Variants in ZNF644 observed in about 807,000 individuals in gnomAD.
The protein encoded by ZNF644 is zinc finger motif enhancer binding protein 2.
A neutral mutation model predicts 108.0 loss-of-function variants in ZNF644; 20 were observed. The ratio of observed to expected loss-of-function variants is 0.19; its 90% CI spans 0.13 to 0.27. ZNF644 has a LOEUF of 0.27. Among genes scored for constraint, ZNF644 ranks in the 10% least tolerant of loss-of-function variants. The pLI is 1.00. For missense variants in ZNF644, 1,338 were observed against 1,548.9 expected (o/e 0.86, Z 2.29); for synonymous variants, 542 against 539.1 (o/e 1.01, Z -0.08).
At position 90,940,230 on chromosome 1, in the gene ZNF644, G is replaced by A. The variant is rs1328869521; in HGVS notation, c.1124C>T (p.Ser375Leu). ...AAGAAAAGTGCTAGTATGAACAGGTGAACTCTCTTCTCCACACTTATCTGG... is the reference window on the plus strand; with the variant it reads ...AAGAAAAGTGCTAGTATGAACAGGTAAACTCTCTTCTCCACACTTATCTGG... Reference protein sequence around the residue: ...YNPDKCGEESSPVHTSTFLSN... With the variant: ...YNPDKCGEESLPVHTSTFLSN... Residue 375 changes from serine to leucine, a missense_variant, in exon 3 of 6, where the codon TCA becomes TTA. Physicochemically the swap from Ser to Leu is moderately radical, Grantham distance 145. Around this residue, in one of 6 missense-constraint regions of ZNF644, gnomAD observed 464 missense variants for 457.9 expected, o/e 1.01. Transcript: ENST00000337393. 6.2e-7 allele frequency: 1 copy of A among 1,613,848 alleles called. No homozygotes were observed. Among genetic ancestry groups the A allele is most frequent in the African/African-American group, 1.3e-5 (1 of 74,880 alleles).
intron 1 of ZNF644, among the ~76,000 whole-genome samples, chr1:90,999,672 A>G (rs1658551972): frequency 6.6e-6 from 1 of 152,232 alleles, no homozygotes; most frequent in Non-Finnish European, 1.5e-5. Flanking sequence ...GACAGGCTCA[A>G]ACTCGCACAT....
chr1:90,953,800 C>T (rs561301767), intron 2 of ZNF644, among the ~76,000 whole-genome samples: 4 of 152,046 alleles, frequency 2.6e-5, no homozygotes, highest in Non-Finnish European at 5.9e-5. Flanking sequence ...CATGTAATCC[C>T]AGCTACTTGG....
chr1:90,975,226 C>A (rs1432266331), intron 2 of ZNF644, among the ~76,000 whole-genome samples: 1 of 152,144 alleles, frequency 6.6e-6, no homozygotes, highest in Non-Finnish European at 1.5e-5. Context: ...CTTCCAGGAA[C>A]AGAGACTATC....
chr1:90,968,060 CAAAAAAAAAA>C (rs763728133), intron 2 of ZNF644, among the ~76,000 whole-genome samples: 3 of 67,260 alleles, frequency 4.5e-5, no homozygotes, highest in South Asian at 6.7e-4. Flanking sequence ...GACTCCGTCT[CAAAAAAAAAA>C]AAAAAAAAAA....
At chr1:90,973,999 C>T (rs1445953486) in intron 2 of ZNF644, among the ~76,000 whole-genome samples, 1 of 152,106 alleles carries the variant, frequency 6.6e-6, no homozygotes, top group Non-Finnish European at 1.5e-5. Flanking sequence ...CATTCTCTGA[C>T]TTTCTCTCCC....
At chr1:90,970,538 T>A (rs1486983594) in intron 2 of ZNF644, among the ~76,000 whole-genome samples, 1 of 152,178 alleles carries the variant, frequency 6.6e-6, no homozygotes, top group Non-Finnish European at 1.5e-5. Context: ...TTGAAGACTT[T>A]TTTAAAACTA....
chr1:90,994,123 A>G (rs1210328722), intron 1 of ZNF644, among the ~76,000 whole-genome samples: 1 of 152,228 alleles, frequency 6.6e-6, no homozygotes, highest in Non-Finnish European at 1.5e-5. Flanking sequence ...AACTATTGGG[A>G]AAGTGTCACT....
chr1:90,968,430 T>G (rs1655143615), intron 2 of ZNF644, among the ~76,000 whole-genome samples: 1 of 151,738 alleles, frequency 6.6e-6, no homozygotes, highest in Admixed American at 6.6e-5. Flanking sequence ...ATTTCGGTTT[T>G]GGGGGGGGAG....
chr1:91,000,149 G>T (rs1483017673), intron 1 of ZNF644, among the ~76,000 whole-genome samples: 1 of 152,094 alleles, frequency 6.6e-6, no homozygotes, highest in East Asian at 1.9e-4. Context: ...AGTTAACAAG[G>T]ATATCCAGGA....
chr1:90,958,279 TAAA>T (rs535736954), intron 2 of ZNF644, among the ~76,000 whole-genome samples: 145 of 101,224 alleles, frequency 1.4e-3, no homozygotes, highest in African/African-American at 5.1e-3. Flanking sequence ...ACCAAGAAAG[TAAA>T]AGACTTGTGC....
intron 1 of ZNF644, among the ~76,000 whole-genome samples, chr1:91,006,771 T>C (rs578094900): frequency 6.6e-6 from 1 of 151,792 alleles, no homozygotes. Context: ...ACTCTTCTCC[T>C]GTAATGCATC....
At chr1:91,010,519 C>A (rs1275946318) in intron 1 of ZNF644, among the ~76,000 whole-genome samples, 1 of 151,318 alleles carries the variant, frequency 6.6e-6, no homozygotes, top group Non-Finnish European at 1.5e-5. Context: ...CCCAAAATAT[C>A]TGTGCTTTTT....
chr1:91,013,449 T>TCACACA (rs769534482), intron 1 of ZNF644, among the ~76,000 whole-genome samples: 2 of 96,266 alleles, frequency 2.1e-5, no homozygotes, highest in African/African-American at 7.0e-5. Context: ...CCAATCTCTC[T>TCACACA]CTCACACACA....
chr1:90,996,733 A>G (rs1196392548), intron 1 of ZNF644, among the ~76,000 whole-genome samples: 1 of 152,198 alleles, frequency 6.6e-6, no homozygotes, highest in Non-Finnish European at 1.5e-5. Context: ...GTGAGCTATG[A>G]CCATGCCACT....
chr1:90,959,005 C>G (rs552288015), intron 2 of ZNF644, among the ~76,000 whole-genome samples: 1 of 152,040 alleles, frequency 6.6e-6, no homozygotes, highest in African/African-American at 2.4e-5. Flanking sequence ...TGTTTATCAA[C>G]AGGTATTATT....
rs1212699000 is a variant in ZNF644, at chr1:90,940,131, G to A, written c.1223C>T (p.Ser408Leu). 3.1e-6 allele frequency: 5 copies of A among 1,614,052 alleles called. No homozygotes were observed. The highest frequency in any genetic ancestry group is 3.4e-6 in the Non-Finnish European group (4 of 1,179,954). ...SPATFSTEEPSFYPCTKCNVN... is the reference protein window; with the variant it reads ...SPATFSTEEPLFYPCTKCNVN... ...ATTGCACTTTGTACAGGGGTAGAAT[G>A]ATGGCTCTTCGGTACTGAAAGTAGC... The change falls in exon 3 of 6, where the codon TCA (serine) becomes TTA (leucine). Residue 408 changes from serine to leucine, a missense_variant. Coordinates refer to ENST00000337393, the MANE Select transcript of ZNF644 (RefSeq NM_201269.3).
chr1:90,917,852 A>G (rs190177445), intron 5 of ZNF644, among the ~76,000 whole-genome samples, 200 bp downstream of exon 5: 7 of 152,244 alleles, frequency 4.6e-5, no homozygotes, highest in Admixed American at 4.6e-4. Flanking sequence ...TGGCTAATGT[A>G]AAAAACTTGA....
intron 1 of ZNF644, among the ~76,000 whole-genome samples, chr1:91,016,292 A>G (rs1357886981): frequency 6.6e-6 from 1 of 152,226 alleles, no homozygotes; most frequent in East Asian, 1.9e-4. Flanking sequence ...ACATCACTTA[A>G]GCATGGATGT....
At chr1:90,941,445 A>T (rs1298195584) in intron 2 of ZNF644, 136 bp from the exon 3 acceptor site, 1 of 828,110 alleles carries the variant, frequency 1.2e-6, no homozygotes, top group African/African-American at 1.7e-5. Flanking sequence ...ATTTTCCAAG[A>T]ATGAAAGAAC....
Sources: allele counts gnomAD v4.1 joint callset (sites outside exome capture counted in the v4.1 genomes callset), GRCh38; gene constraint gnomAD v4.1.1; regional missense constraint gnomAD v4.1.1; transcripts MANE v1.5; gene names NCBI Gene and HGNC (gene_info 2026-07-23, HGNC 2026-07-21).